ADCY3: variants seen among roughly 807,000 people sequenced by gnomAD.
The protein encoded by ADCY3 is adenylate cyclase 3, also known as adenylate cyclase type 3.
In ADCY3, 70 loss-of-function variants were observed where a neutral mutation model predicts 119.4. That is an observed-to-expected ratio of 0.59 (90% CI 0.48 to 0.72). ADCY3 has a LOEUF of 0.72. ADCY3 is among the 30% of genes least tolerant of loss of function. The probability of loss-of-function intolerance (pLI) is 0.00; values close to 1 mark genes in which losing one functional copy is unlikely to be tolerated. For synonymous variants in ADCY3, 672 were observed against 621.4 expected (o/e 1.08, Z -1.21); for missense variants, 1,238 against 1,541.6 (o/e 0.80, Z 3.30).
intron 11 of ADCY3, chr2:24,832,000 G>A (rs1439116732): frequency 6.5e-6 from 1 of 154,822 alleles, no homozygotes; most frequent in Non-Finnish European, 1.3e-5. Context: ...CAGGGGCCGG[G>A]GGCAGGGGCC....
rs751248361 is a variant in ADCY3, at chr2:24,918,284, G to C, written c.675+29C>G. The C allele has an allele frequency of 6.6e-7, 1 of 1,523,280 alleles. No individual in the cohort carries two copies. The highest frequency in any genetic ancestry group is 8.8e-7 in the Non-Finnish European group (1 of 1,137,140). 94.4% of individuals were successfully genotyped at this position (1,523,280 alleles called of 1,614,324 possible). A position where few individuals can be genotyped will look rare whatever the true frequency, so the allele number is the denominator to read the frequency against. The stretch of plus-strand genomic sequence containing the variant: ...GTTGGTGAGAGCTGCAGGAGAGGAC[G>C]CTGTGGGGGGACAGTGGGCAGGACT... On this transcript the variant is annotated intron_variant, in intron 2 of 21. Transcript: ENST00000679454. This position sits in a 1 kb window ranked among gnomAD's most constrained non-coding sequence, Gnocchi z 5.4.
chr2:24,820,281 C>CGGGTGGGAAGGAGA, intron 21 of ADCY3, 167 bp from the exon 22 acceptor site: 1 of 1,243,734 alleles, frequency 8.0e-7, no homozygotes, highest in East Asian at 2.9e-5. Context: ...TGGCGAGCAG[C>CGGGTGGGAAGGAGA]GGGTGGGAAG....
chr2:24,889,404 G>C (rs1247272310), intron 2 of ADCY3, among the ~76,000 whole-genome samples: 1 of 152,212 alleles, frequency 6.6e-6, no homozygotes, highest in South Asian at 2.1e-4. Context: ...AGAACTCCAT[G>C]TTGCCGGGGC....
intron 13 of ADCY3, 139 bp from the exon 14 acceptor site, chr2:24,828,300 T>G: frequency 2.9e-6 from 3 of 1,033,342 alleles, no homozygotes; most frequent in Non-Finnish European, 4.2e-6. Flanking sequence ...ATGGGGAAAT[T>G]TACCAGGGAC....
intron 2 of ADCY3, among the ~76,000 whole-genome samples, chr2:24,874,711 C>T (rs13394814): frequency 1.3e-5 from 2 of 152,218 alleles, no homozygotes; most frequent in East Asian, 1.9e-4. Flanking sequence ...CTCAGCTCAC[C>T]GGTGAAACTG....
At position 24,834,418 on chromosome 2, in the gene ADCY3, C is replaced by T; in HGVS notation, c.1967+67G>A. ...TGTCAGGCTCCCGCTGAGACACCTG[C>T]CCCCGCCCCCCGCCCGGCACCACCG... is the stretch of plus-strand genomic sequence containing the variant. On this transcript the variant is annotated intron_variant, in intron 11 of 21. Coordinates refer to ENST00000679454, the MANE Select transcript of ADCY3 (RefSeq NM_004036.5). This position sits in a 1 kb window ranked among gnomAD's most constrained non-coding sequence, Gnocchi z 4.2. 1 of 881,494 alleles carries T rather than the reference C, an allele frequency of 1.1e-6. No homozygotes were observed. The highest frequency in any genetic ancestry group is 1.8e-5 in the African/African-American group (1 of 54,826). 54.6% of individuals were successfully genotyped at this position (881,494 alleles called of 1,614,324 possible).
chr2:24,819,896 CCCTT>C lies in ADCY3; in HGVS notation c.*32_*35del, dbSNP rs777124748. 2.5e-6 allele frequency: 4 copies of C among 1,600,972 alleles called. No individual in the cohort carries two copies. Among genetic ancestry groups the C allele is most frequent in the African/African-American group, 2.7e-5 (2 of 74,434 alleles). The stretch of plus-strand genomic sequence containing the variant: ...CCTTCAGTTTCAAAAAATAAATTCT[CCCTT>C]CCGGTTTGGACTGTTGCAGGCTCGA... On this transcript the variant is annotated 3_prime_UTR_variant, in exon 22 of 22. Coordinates refer to ENST00000679454, the MANE Select transcript of ADCY3 (RefSeq NM_004036.5).
intron 3 of ADCY3, among the ~76,000 whole-genome samples, chr2:24,859,047 G>A (rs532678210): frequency 3.9e-5 from 6 of 152,348 alleles, no homozygotes; most frequent in African/African-American, 1.4e-4. Context: ...TTCGCATTAT[G>A]GGGAACGCAC....
At chr2:24,887,747 G>T (rs2148915463) in intron 2 of ADCY3, among the ~76,000 whole-genome samples, 1 of 152,206 alleles carries the variant, frequency 6.6e-6, no homozygotes, top group Non-Finnish European at 1.5e-5. Context: ...CATGGGCCTG[G>T]GCCTTGGAAG....
intron 3 of ADCY3, among the ~76,000 whole-genome samples, chr2:24,849,067 C>T (rs1212011741): frequency 2.0e-5 from 3 of 152,184 alleles, no homozygotes; most frequent in African/African-American, 4.8e-5. Flanking sequence ...GGACGTGGAA[C>T]GTGAGGTTTA....
At chr2:24,849,731 C>T (rs1375526194) in intron 3 of ADCY3, among the ~76,000 whole-genome samples, 4 of 152,138 alleles carry the variant, frequency 2.6e-5, no homozygotes, top group African/African-American at 7.2e-5. Flanking sequence ...AAAGGACACA[C>T]GGAACCTGAC....
chr2:24,820,151 G>A (rs367721249), intron 21 of ADCY3, 37 bp from the exon 22 acceptor site: 1 of 1,508,534 alleles, frequency 6.6e-7, no homozygotes, highest in Non-Finnish European at 8.9e-7. Context: ...TGGCGTTACG[G>A]GGGGAGCCTA....
At chr2:24,863,293 CA>C (rs1481568552) in intron 3 of ADCY3, among the ~76,000 whole-genome samples, 2 of 152,118 alleles carry the variant, frequency 1.3e-5, no homozygotes, top group African/African-American at 4.8e-5. Flanking sequence ...AGAATATAAA[CA>C]GGCAGAAAAA....
chr2:24,858,499 A>G (rs1298061590), intron 3 of ADCY3, among the ~76,000 whole-genome samples: 1 of 152,240 alleles, frequency 6.6e-6, no homozygotes, highest in Non-Finnish European at 1.5e-5. Flanking sequence ...CAGCTGGTAA[A>G]TGAGAGATCT....
At position 24,842,966 on chromosome 2, in the gene ADCY3, C is replaced by T. The variant is rs571405265; in HGVS notation, c.826-582G>A. On this transcript the variant is annotated intron_variant, in intron 3 of 21. Coordinates refer to ENST00000679454, the MANE Select transcript of ADCY3 (RefSeq NM_004036.5). This position sits in a 1 kb window ranked among gnomAD's most constrained non-coding sequence, Gnocchi z 4.9. ...TGCCCAGAAAGGAGAGAGCAGAGGA[C>T]GGCGCAAGAGAGAAGCAGGGGCCAA... 3.7e-3 allele frequency among the ~76,000 whole-genome samples: 556 copies of T among 152,266 alleles called. 4 individuals carry two copies. The highest frequency in any genetic ancestry group is 4.3e-3 in the Non-Finnish European group (294 of 68,022).
At chr2:24,828,260 C>T in intron 13 of ADCY3, 99 bp from the exon 14 acceptor site, 1 of 1,403,690 alleles carries the variant, frequency 7.1e-7, no homozygotes, top group Non-Finnish European at 9.6e-7. Flanking sequence ...GCTGCCACCT[C>T]CCGCGGCTCC....
intron 2 of ADCY3, among the ~76,000 whole-genome samples, chr2:24,911,061 C>A (rs1295997060): frequency 6.6e-6 from 1 of 152,036 alleles, no homozygotes; most frequent in Non-Finnish European, 1.5e-5. Context: ...TTGGTTGCAA[C>A]ACTCAACACC....
intron 3 of ADCY3, among the ~76,000 whole-genome samples, chr2:24,856,627 C>T (rs1325121564): frequency 6.6e-6 from 1 of 152,300 alleles, no homozygotes; most frequent in East Asian, 1.9e-4. Context: ...GGACGAAGTA[C>T]CACAATGTGT....
At chr2:24,901,686 G>A (rs1259763549) in intron 2 of ADCY3, among the ~76,000 whole-genome samples, 2 of 151,720 alleles carry the variant, frequency 1.3e-5, no homozygotes, top group African/African-American at 4.8e-5. Context: ...GGCTAACACC[G>A]GTGGTCCTAG....
Sources: allele counts gnomAD v4.1 joint callset (sites outside exome capture counted in the v4.1 genomes callset), GRCh38; gene constraint gnomAD v4.1.1; non-coding constraint Gnocchi (gnomAD v3.1); transcripts MANE v1.5; gene names NCBI Gene and HGNC (gene_info 2026-07-23, HGNC 2026-07-21).